SIK3: variants seen among roughly 807,000 people sequenced by gnomAD.
SIK3 encodes the protein SIK family kinase 3, also known as serine/threonine-protein kinase SIK3.
A neutral mutation model predicts 144.2 loss-of-function variants in SIK3; 28 were observed. The ratio of observed to expected loss-of-function variants is 0.19; its 90% CI spans 0.14 to 0.27. SIK3 has a LOEUF of 0.27. Among genes scored for constraint, SIK3 ranks in the 10% least tolerant of loss-of-function variants. The probability of loss-of-function intolerance (pLI) is 1.00; values close to 1 mark genes in which losing one functional copy is unlikely to be tolerated. For synonymous variants in SIK3, 686 were observed against 676.3 expected, an observed-to-expected ratio of 1.01 and a Z score of -0.22; for missense variants, 1,319 against 1,776.0, an observed-to-expected ratio of 0.74 and a Z score of 4.62.
At chr11:116,923,274 C>T (rs1947100853) in intron 4 of SIK3, among the ~76,000 whole-genome samples, 1 of 152,150 alleles carries the variant, frequency 6.6e-6, no homozygotes, top group Admixed American at 6.5e-5. Flanking sequence ...ATGTTTCTTT[C>T]ATATATAGTA....
intron 1 of SIK3, among the ~76,000 whole-genome samples, chr11:116,959,954 A>C (rs943297007): frequency 6.6e-6 from 1 of 152,206 alleles, no homozygotes; most frequent in Non-Finnish European, 1.5e-5. Flanking sequence ...AAGACATGAT[A>C]AATGTTTGGG....
chr11:116,902,972 C>T (rs958140493), intron 4 of SIK3, among the ~76,000 whole-genome samples: 6 of 152,320 alleles, frequency 3.9e-5, no homozygotes, highest in African/African-American at 1.4e-4. Context: ...CTTCTCTTCC[C>T]TACCAGTGGC....
At chr11:116,964,824 G>A (rs1949468453) in intron 1 of SIK3, among the ~76,000 whole-genome samples, 1 of 152,072 alleles carries the variant, frequency 6.6e-6, no homozygotes, top group Admixed American at 6.6e-5. Flanking sequence ...GGAGGTTGCA[G>A]TGAGCCGAGA....
At position 117,022,162 on chromosome 11, in the gene SIK3, A is replaced by T. The variant is rs372597095; in HGVS notation, c.274-65098T>A. ...TCATTTTGTAGTTGGGTATGTCAAA[A>T]TCTTTTTATTATACAAGTAAATGTG... On this transcript the variant is annotated intron_variant, in intron 1 of 24. Transcript: ENST00000445177. Among the ~76,000 whole-genome samples the T allele has an allele frequency of 1.8e-4, 27 of 152,170 alleles. No individual in the cohort carries two copies. In the East Asian group the frequency reaches 2.7e-3, roughly 15 times the overall value.
chr11:117,045,450 AATT>A (rs1360828252), intron 1 of SIK3, among the ~76,000 whole-genome samples: 4 of 152,124 alleles, frequency 2.6e-5, no homozygotes, highest in African/African-American at 9.7e-5. Context: ...AGTGAACGGT[AATT>A]GCTCCGTTGG....
At chr11:116,960,027 C>T (rs1170526554) in intron 1 of SIK3, among the ~76,000 whole-genome samples, 1 of 152,116 alleles carries the variant, frequency 6.6e-6, no homozygotes, top group Non-Finnish European at 1.5e-5. Flanking sequence ...AGCAAAATAT[C>T]AAATGTACCC....
At chr11:116,913,521 A>G (rs920822951) in intron 4 of SIK3, among the ~76,000 whole-genome samples, 1 of 150,660 alleles carries the variant, frequency 6.6e-6, no homozygotes, top group Non-Finnish European at 1.5e-5. Context: ...CACCTCCTCA[A>G]TATAGGATCT....
intron 14 of SIK3, chr11:116,869,885 G>A (rs1324180901): frequency 2.8e-6 from 1 of 357,212 alleles, no homozygotes; most frequent in East Asian, 7.4e-5. Context: ...ACAGCAAACA[G>A]TACAAGAGGT....
At chr11:116,967,019 A>AT (rs1369910969) in intron 1 of SIK3, among the ~76,000 whole-genome samples, 15 of 150,582 alleles carry the variant, frequency 1.0e-4, no homozygotes, top group Non-Finnish European at 1.8e-4. Flanking sequence ...AAAAAAGAAA[A>AT]AGAAAAAGAA....
rs1299708101 is a variant in SIK3 at position 116,849,296 on chromosome 11, A to C, written c.3656-13T>G. ...CCTATGACAGGCTCTGAGGAGACACAGCAGAATAGAGTCAGTGGGGCGGAA... is the reference window on the plus strand; with the variant it reads ...CCTATGACAGGCTCTGAGGAGACACCGCAGAATAGAGTCAGTGGGGCGGAA... On this transcript the variant is annotated splice_polypyrimidine_tract_variant and intron_variant, in intron 21 of 24. Transcript: ENST00000445177. This position sits in a 1 kb window ranked among gnomAD's most constrained non-coding sequence, Gnocchi z 4.2. The C allele has an allele frequency of 6.2e-7, 1 of 1,613,868 alleles. No individual in the cohort carries two copies. The highest frequency in any genetic ancestry group is 8.5e-7 in the Non-Finnish European group (1 of 1,179,902).
At chr11:117,027,158 C>A (rs1225208225) in intron 1 of SIK3, among the ~76,000 whole-genome samples, 1 of 152,162 alleles carries the variant, frequency 6.6e-6, no homozygotes, top group Non-Finnish European at 1.5e-5. Context: ...GCTTTAAATG[C>A]TCAATCTACC....
chr11:116,847,719 C>G, intron 22 of SIK3, 111 bp from the exon 23 acceptor site: 1 of 1,365,388 alleles, frequency 7.3e-7, no homozygotes, highest in Non-Finnish European at 1.0e-6. Context: ...AGCCCGGGGC[C>G]CCACTCCAGA....
chr11:116,907,060 A>G (rs1318085490), intron 4 of SIK3, among the ~76,000 whole-genome samples: 1 of 152,204 alleles, frequency 6.6e-6, no homozygotes, highest in Non-Finnish European at 1.5e-5. Context: ...TTTGTGCTGC[A>G]CTTTGCAGTA....
At chr11:117,013,959 C>CTTTTTTTTTTTTT (rs1232857124) in intron 1 of SIK3, among the ~76,000 whole-genome samples, 3 of 8,254 alleles carry the variant, frequency 3.6e-4, no homozygotes, top group Admixed American at 1.7e-3. Context: ...TGTTTTATTT[C>CTTTTTTTTTTTTT]TTTTTTTCTT....
intron 1 of SIK3, among the ~76,000 whole-genome samples, chr11:117,037,007 C>A (rs1278171205): frequency 1.3e-5 from 2 of 152,142 alleles, no homozygotes; most frequent in Non-Finnish European, 2.9e-5. Flanking sequence ...CCATACCTAA[C>A]TACTATATAT....
chr11:117,031,587 T>C (rs995186990), intron 1 of SIK3, among the ~76,000 whole-genome samples: 3 of 151,490 alleles, frequency 2.0e-5, no homozygotes, highest in African/African-American at 4.8e-5. Context: ...AATGGCGCGA[T>C]CTTGGCTCAC....
intron 1 of SIK3, among the ~76,000 whole-genome samples, chr11:117,030,203 G>A (rs1046558001): frequency 1.7e-4 from 26 of 152,142 alleles, no homozygotes. Context: ...GCAATGTATA[G>A]TTAACAAAGG....
At chr11:117,051,321 C>T (rs1313675776) in intron 1 of SIK3, among the ~76,000 whole-genome samples, 1 of 152,126 alleles carries the variant, frequency 6.6e-6, no homozygotes, top group Non-Finnish European at 1.5e-5. Flanking sequence ...AACTTAATTA[C>T]ACCACCAGCT....
intron 6 of SIK3, among the ~76,000 whole-genome samples, chr11:116,881,110 C>T (rs987082404): frequency 2.6e-4 from 40 of 151,882 alleles, no homozygotes; most frequent in African/African-American, 8.5e-4. Flanking sequence ...GGCGACAGAG[C>T]GAGACTCCGT....
Sources: gnomAD v4.1 joint callset for allele counts (sites outside exome capture counted in the v4.1 genomes callset) on GRCh38, gnomAD v4.1.1 for gene constraint, Gnocchi (gnomAD v3.1) non-coding constraint, MANE v1.5 for transcripts, NCBI Gene and HGNC (gene_info 2026-07-23, HGNC 2026-07-21) for gene names.